PNPT1: variants seen among roughly 807,000 people sequenced by gnomAD.
PNPT1 encodes the protein polyribonucleotide nucleotidyltransferase 1.
In PNPT1, 53 loss-of-function variants were observed where a neutral mutation model predicts 119.5. That is an observed-to-expected ratio of 0.44 (90% confidence interval 0.36 to 0.56). The LOEUF is 0.56. Among genes scored for constraint, PNPT1 ranks in the 20% least tolerant of loss-of-function variants. The pLI is 0.00. For synonymous variants in PNPT1, 357 were observed against 322.1 expected (o/e 1.11, Z -1.16); for missense variants, 948 against 938.5 (o/e 1.01, Z -0.13).
intron 9 of PNPT1, 62 bp downstream of exon 9, chr2:55,672,831 C>G: frequency 1.4e-6 from 2 of 1,459,588 alleles, no homozygotes; most frequent in Non-Finnish European, 1.8e-6. Flanking sequence ...GGAAGTTTCT[C>G]TCCCACGAGG....
In PNPT1 at chr2:55,654,782, C is replaced by T. The variant is rs114415452; in HGVS notation, c.1495+118G>A. 2.7e-4 allele frequency: 232 copies of T among 855,126 alleles called. 2 individuals carry two copies. In the African/African-American group the frequency reaches 3.1e-3, roughly 11 times the overall value. 53.0% of individuals were successfully genotyped at this position (855,126 alleles called of 1,614,324 possible). A position where few individuals can be genotyped will look rare whatever the true frequency, so the allele number is the denominator to read the frequency against. On this transcript the variant is annotated intron_variant, in intron 18 of 27. Coordinates refer to ENST00000447944, the MANE Select transcript of PNPT1 (RefSeq NM_033109.5). ...GTAGAGATGAGGTCTTGCTATGTTG[C>T]CCAGGCTGGTCTTGAACTCCCAGCC...
At chr2:55,642,361 C>G (rs1457810787) in intron 25 of PNPT1, among the ~76,000 whole-genome samples, 1 of 151,720 alleles carries the variant, frequency 6.6e-6, no homozygotes, top group Non-Finnish European at 1.5e-5. Flanking sequence ...AATCCCAGTA[C>G]TTTGGGAGGC....
chr2:55,673,466 T>A (rs1393916199), intron 8 of PNPT1, among the ~76,000 whole-genome samples: 2 of 151,648 alleles, frequency 1.3e-5, no homozygotes, highest in Non-Finnish European at 2.9e-5. Flanking sequence ...TTTTTTTTTT[T>A]GAGACAGAGT....
chr2:55,684,251 G>T (rs933390788), intron 4 of PNPT1, among the ~76,000 whole-genome samples: 2 of 152,210 alleles, frequency 1.3e-5, no homozygotes, highest in Non-Finnish European at 2.9e-5. Context: ...CCAGCACTTG[G>T]GAGGCTGAGG....
At chr2:55,636,975 A>T (rs755933768) in intron 27 of PNPT1, among the ~76,000 whole-genome samples, 7 of 152,226 alleles carry the variant, frequency 4.6e-5, no homozygotes, top group Admixed American at 1.3e-4. Flanking sequence ...TTGGACAATA[A>T]GACTACACAT....
chr2:55,655,491 C>T (rs1250136811), intron 17 of PNPT1, among the ~76,000 whole-genome samples: 1 of 152,178 alleles, frequency 6.6e-6, no homozygotes, highest in Non-Finnish European at 1.5e-5. Context: ...TATCTTTTGT[C>T]TTGCTTATCA....
chr2:55,659,214 C>G (rs1440437666), intron 15 of PNPT1, among the ~76,000 whole-genome samples: 1 of 152,200 alleles, frequency 6.6e-6, no homozygotes, highest in African/African-American at 2.4e-5. Flanking sequence ...CTCAGCCTCC[C>G]AAAGTGCTGG....
intron 26 of PNPT1, among the ~76,000 whole-genome samples, chr2:55,638,153 C>A (rs1005098876): frequency 2.7e-5 from 4 of 150,362 alleles, no homozygotes; most frequent in African/African-American, 9.8e-5. Context: ...AATACAAAAA[C>A]TAGCTGGGTG....
chr2:55,691,876 ATATTT>A (rs1262073804), intron 1 of PNPT1, among the ~76,000 whole-genome samples: 16 of 18,512 alleles, frequency 8.6e-4, no homozygotes, highest in South Asian at 2.0e-3. Flanking sequence ...ATATATATAT[ATATTT>A]TTTTTTTTTT....
chr2:55,670,026 T>G (rs1289309018), intron 11 of PNPT1, among the ~76,000 whole-genome samples: 7 of 152,128 alleles, frequency 4.6e-5, no homozygotes, highest in Admixed American at 4.6e-4. Context: ...CCCAAAGTGC[T>G]GGGATTACAG....
intron 18 of PNPT1, among the ~76,000 whole-genome samples, chr2:55,650,290 G>T (rs1204742217): frequency 6.6e-6 from 1 of 152,166 alleles, no homozygotes; most frequent in Non-Finnish European, 1.5e-5. Context: ...TTGCAGGCGC[G>T]CGCCGCCACG....
At chr2:55,651,632 C>T (rs1459841647) in intron 18 of PNPT1, among the ~76,000 whole-genome samples, 35 of 150,952 alleles carry the variant, frequency 2.3e-4, no homozygotes, top group African/African-American at 8.0e-4. Context: ...GGGACACAAA[C>T]ACTGCGGAAG....
chr2:55,641,846 CT>C (rs202103021), intron 25 of PNPT1, among the ~76,000 whole-genome samples: 146 of 142,932 alleles, frequency 1.0e-3, no homozygotes, highest in South Asian at 2.2e-3. Context: ...CTGAAATTGG[CT>C]TTTTTTTTTT....
chr2:55,686,340 T>C (rs200027641), intron 3 of PNPT1, 30 bp downstream of exon 3: 2 of 1,568,508 alleles, frequency 1.3e-6, no homozygotes, highest in East Asian at 2.2e-5. Context: ...CAGACCATAT[T>C]ACAGTTCAGA....
chr2:55,664,613 A>C (rs1026892640), intron 13 of PNPT1, among the ~76,000 whole-genome samples: 7 of 152,324 alleles, frequency 4.6e-5, no homozygotes, highest in African/African-American at 1.4e-4. Context: ...TGAAAGTAAA[A>C]AATAGAGAAA....
Position 55,667,932 on chromosome 2 carries a change from C to T in PNPT1, c.1003G>A (p.Glu335Lys), listed in dbSNP as rs1341359718. Residue 335 changes from glutamate to lysine, a missense_variant, in exon 12 of 28, where the codon GAA becomes AAA. Coordinates refer to ENST00000447944, the MANE Select transcript of PNPT1 (RefSeq NM_033109.5). ...ACAACATTGAAGGATTCTATTATTTCATATGGATCGGCTTCTGGAAATTTT... is the reference window on the plus strand; with the variant it reads ...ACAACATTGAAGGATTCTATTATTTTATATGGATCGGCTTCTGGAAATTTT... ...KEKFPEADPY[E>K]IIESFNVVAK... 1.5e-5 allele frequency: 24 copies of T among 1,579,564 alleles called. No homozygotes were observed. Among genetic ancestry groups the T allele is most frequent in the Non-Finnish European group, 2.0e-5 (24 of 1,171,586 alleles).
At chr2:55,665,278 G>C (rs1696699209) in intron 13 of PNPT1, among the ~76,000 whole-genome samples, 2 of 152,142 alleles carry the variant, frequency 1.3e-5, no homozygotes, top group Admixed American at 1.3e-4. Context: ...TAAATTCAAA[G>C]ATCGACTAAT....
chr2:55,667,313 G>A (rs1696764276), intron 12 of PNPT1, among the ~76,000 whole-genome samples: 1 of 152,136 alleles, frequency 6.6e-6, no homozygotes, highest in African/African-American at 2.4e-5. Flanking sequence ...TCTACAGGTA[G>A]GCCGGGCGCG....
At chr2:55,685,150 A>C in intron 3 of PNPT1, 102 bp from the exon 4 acceptor site, 1 of 733,564 alleles carries the variant, frequency 1.4e-6, no homozygotes, top group Non-Finnish European at 2.0e-6. Flanking sequence ...CACAGTCTAG[A>C]CTCAGAGTAG....
Sources: allele counts gnomAD v4.1 joint callset (sites outside exome capture counted in the v4.1 genomes callset), GRCh38; gene constraint gnomAD v4.1.1; transcripts MANE v1.5; gene names NCBI Gene and HGNC (gene_info 2026-07-23, HGNC 2026-07-21).